The following SCUBE3 variants were observed in gnomAD, a reference collection of about 807,000 sequenced individuals.
The protein encoded by SCUBE3 is signal peptide, CUB and EGF-like domain-containing protein 3.
A neutral mutation model predicts 116.8 loss-of-function variants in SCUBE3; 33 were observed. That is an observed-to-expected ratio of 0.28 (90% confidence interval 0.21 to 0.38). The LOEUF (loss-of-function observed/expected upper bound fraction) is 0.38. SCUBE3 is among the 10% of genes least tolerant of loss of function. The pLI is 1.00. For missense variants in SCUBE3, 1,007 were observed against 1,324.8 expected, an observed-to-expected ratio of 0.76 and a Z score of 3.72; for synonymous variants, 418 against 496.9, an observed-to-expected ratio of 0.84 and a Z score of 2.11.
chr6:35,228,787 G>C lies in SCUBE3; in HGVS notation c.334+48G>C. On this transcript the variant is annotated intron_variant, in intron 3 of 21. Transcript: ENST00000274938. This position sits in a 1 kb window ranked among gnomAD's most constrained non-coding sequence, Gnocchi z 4.9. ...GGTGGAGGGATGTCTTGTGGAGAAA[G>C]AGATCTTTTCAGCATTTCCTATTTC... 1 of 1,594,588 alleles carries C rather than the reference G, an allele frequency of 6.3e-7. No individual in the cohort carries two copies. The highest frequency in any genetic ancestry group is 8.6e-7 in the Non-Finnish European group (1 of 1,162,680).
At position 35,232,916 on chromosome 6, in the gene SCUBE3, G is replaced by C; in HGVS notation, c.536G>C (p.Gly179Ala). 20 of 1,614,176 alleles carry C rather than the reference G, an allele frequency of 1.2e-5. No homozygotes were observed. Among genetic ancestry groups the C allele is most frequent in the Non-Finnish European group, 1.7e-5 (20 of 1,179,996 alleles). ...ATTTGCCGGGAGACACCCAAGGGGGGTATTGCCTGTGAATGCCGTCCTGGC... is the reference window on the plus strand; with the variant it reads ...ATTTGCCGGGAGACACCCAAGGGGGCTATTGCCTGTGAATGCCGTCCTGGC... ...AHICRETPKG[G>A]IACECRPGFE... Residue 179 changes from glycine (G) to alanine (A), a missense_variant, in exon 5 of 22, where the codon GGT becomes GCT. By Grantham distance (60) the Gly-to-Ala change is moderately conservative (BLOSUM62 0). Coordinates refer to ENST00000274938, the MANE Select transcript of SCUBE3 (RefSeq NM_152753.4). This position sits in a 1 kb window ranked among gnomAD's most constrained non-coding sequence, Gnocchi z 4.2.
intron 6 of SCUBE3, among the ~76,000 whole-genome samples, chr6:35,237,160 TTC>T (rs1196660946): frequency 1.3e-5 from 2 of 152,238 alleles, no homozygotes; most frequent in Non-Finnish European, 2.9e-5. Context: ...CTCTGGATTC[TTC>T]TCTTTCTTTT....
rs575840081 is a variant in SCUBE3, at chr6:35,219,031, G to C, written c.85+4528G>C. ...AGGCAGAAGGCGCCGGGCCTCCACA[G>C]GTTACTCACCCAAATCTCAGGCGCT... On this transcript the variant is annotated intron_variant, in intron 1 of 21. Coordinates refer to ENST00000274938, the MANE Select transcript of SCUBE3 (RefSeq NM_152753.4). This position sits in a 1 kb window ranked among gnomAD's most constrained non-coding sequence, Gnocchi z 4.7. Among the ~76,000 whole-genome samples the C allele has an allele frequency of 2.0e-5, 3 of 152,272 alleles. No individual in the cohort carries two copies. The South Asian group carries it at 6.2e-4, about 32-fold the overall frequency.
In SCUBE3 at chr6:35,243,944, G is replaced by A. The variant is rs769228561; in HGVS notation, c.2072-19G>A. The stretch of plus-strand genomic sequence containing the variant: ...CTCAGGACCATCCCCATCAGAGTTG[G>A]GCCCTTGATTCATTGCAGGTCAGTG... On this transcript the variant is annotated intron_variant, in intron 16 of 21. Coordinates refer to ENST00000274938, the MANE Select transcript of SCUBE3 (RefSeq NM_152753.4). This position sits in a 1 kb window ranked among gnomAD's most constrained non-coding sequence, Gnocchi z 6.6. 160 of 1,611,000 alleles carry A rather than the reference G, an allele frequency of 9.9e-5. No individual in the cohort carries two copies. Among genetic ancestry groups the A allele is most frequent in the Non-Finnish European group, 1.2e-4 (147 of 1,178,228 alleles).
chr6:35,248,798 CCTCT>C lies in SCUBE3; in HGVS notation c.*96_*99del. ...CCTACCCTCAGACAAGGAACTCTCT[CCTCT>C]CTTTTTGGAGGGAAAAAAAAAATAT... On this transcript the variant is annotated 3_prime_UTR_variant, in exon 22 of 22. Coordinates refer to ENST00000274938, the MANE Select transcript of SCUBE3 (RefSeq NM_152753.4). The C allele has an allele frequency of 1.0e-6, 1 of 986,404 alleles. No individual in the cohort carries two copies. 61.1% of individuals were successfully genotyped at this position (986,404 alleles called of 1,614,324 possible). A position where few individuals can be genotyped will look rare whatever the true frequency, so the allele number is the denominator to read the frequency against.
At position 35,238,003 on chromosome 6, in the gene SCUBE3, A is replaced by G; in HGVS notation, c.814A>G (p.Arg272Gly). 1 of 1,603,166 alleles carries G rather than the reference A, an allele frequency of 6.2e-7. No individual in the cohort carries two copies. Among genetic ancestry groups the G allele is most frequent in the South Asian group, 1.1e-5 (1 of 90,744 alleles). Residue 272 changes from arginine to glycine, a missense_variant, in exon 7 of 22, where the codon AGG becomes GGG. Physicochemically the swap from Arg to Gly is moderately radical, Grantham distance 125 (BLOSUM62 -2). Coordinates refer to ENST00000274938, the MANE Select transcript of SCUBE3 (RefSeq NM_152753.4). ...CPVGFMLQPD[R>G]KTCKDIDECR... ...TGTGGGCTTCATGCTGCAGCCAGACAGGAAGACGTGCAAAGGTAAGGACTT... is the reference window on the plus strand; with the variant it reads ...TGTGGGCTTCATGCTGCAGCCAGACGGGAAGACGTGCAAAGGTAAGGACTT...
At position 35,241,273 on chromosome 6, in the gene SCUBE3, A is replaced by G; in HGVS notation, c.1195+7A>G. On this transcript the variant is annotated splice_region_variant and intron_variant, in intron 10 of 21. Coordinates refer to ENST00000274938, the MANE Select transcript of SCUBE3 (RefSeq NM_152753.4). This position sits in a 1 kb window ranked among gnomAD's most constrained non-coding sequence, Gnocchi z 4.1. Reference sequence around the variant, plus strand: ...AATGGCAAAGATTGCACAGGTGGGCAGTGCCCTCTGCTGGCCAAAGATGAC... The same window carrying G: ...AATGGCAAAGATTGCACAGGTGGGCGGTGCCCTCTGCTGGCCAAAGATGAC... 1.3e-6 allele frequency: 2 copies of G among 1,587,588 alleles called. No homozygotes were observed. Among genetic ancestry groups the G allele is most frequent in the Non-Finnish European group, 1.7e-6 (2 of 1,161,042 alleles).
At position 35,214,765 on chromosome 6, in the gene SCUBE3, C is replaced by G. The variant is rs530625351; in HGVS notation, c.85+262C>G. 1.3e-5 allele frequency among the ~76,000 whole-genome samples: 2 copies of G among 152,220 alleles called. No individual in the cohort carries two copies. Among genetic ancestry groups the G allele is most frequent in the Admixed American group, 1.3e-4 (2 of 15,286 alleles). ...GAAGAGACCACGCGCCTCAGAATTC[C>G]GCTCGACTTCATCCACTCCCAGCAT... On this transcript the variant is annotated intron_variant, in intron 1 of 21. Coordinates refer to ENST00000274938, the MANE Select transcript of SCUBE3 (RefSeq NM_152753.4). This position sits in a 1 kb window ranked among gnomAD's most constrained non-coding sequence, Gnocchi z 6.3.
rs1784270227 is a variant in SCUBE3 at position 35,244,994 on chromosome 6, C to T, written c.2401+183C>T. Among the ~76,000 whole-genome samples the T allele has an allele frequency of 6.6e-6, 1 of 152,194 alleles. No individual in the cohort carries two copies. Among genetic ancestry groups the T allele is most frequent in the South Asian group, 2.1e-4 (1 of 4,834 alleles). ...CCAGTTGCTAGGCTGGACCCTGTAA[C>T]ACCCTCTCCCTGGAGACAGTTAATG... is the stretch of plus-strand genomic sequence containing the variant. On this transcript the variant is annotated intron_variant, in intron 18 of 21. Transcript: ENST00000274938. The surrounding 1 kb of genome is among the most constrained non-coding windows in gnomAD (Gnocchi z 4.3).
intron 1 of SCUBE3, among the ~76,000 whole-genome samples, chr6:35,224,822 G>A (rs1047929790): frequency 3.9e-5 from 6 of 152,008 alleles, no homozygotes; most frequent in African/African-American, 1.5e-4. Flanking sequence ...CCTCTGATAT[G>A]GTCAGGGGAG....
chr6:35,228,152 T>C lies in SCUBE3; in HGVS notation c.208+450T>C, dbSNP rs1783401596. Among the ~76,000 whole-genome samples, 1 of 152,232 alleles carries C rather than the reference T, an allele frequency of 6.6e-6. No individual in the cohort carries two copies. The highest frequency in any genetic ancestry group is 2.1e-4 in the South Asian group (1 of 4,834). On this transcript the variant is annotated intron_variant, in intron 2 of 21. Coordinates refer to ENST00000274938, the MANE Select transcript of SCUBE3 (RefSeq NM_152753.4). This position sits in a 1 kb window ranked among gnomAD's most constrained non-coding sequence, Gnocchi z 4.9. ...GAGATATTAAATTTATGAGCTTCAG[T>C]GTTGGTGAGACTTTAGTGGACAGGG...
chr6:35,252,721 G>A lies in SCUBE3; in HGVS notation c.*4016G>A, dbSNP rs995541137. 2.6e-5 allele frequency: 4 copies of A among 152,194 alleles called. No homozygotes were observed. The highest frequency in any genetic ancestry group is 9.7e-5 in the African/African-American group (4 of 41,440). The allele number at this position is 152,194 out of a possible 1,614,324, so 9.4% of individuals were successfully genotyped here. A position where few individuals can be genotyped will look rare whatever the true frequency, so the allele number is the denominator to read the frequency against. ...ATTTGTACAAGGAAATATATGATTA[G>A]AAGGAATAGAACCCCCAGTTGTCAT... On this transcript the variant is annotated 3_prime_UTR_variant, in exon 22 of 22. Transcript: ENST00000274938.
In SCUBE3 at chr6:35,241,204, G is replaced by A. The variant is rs759991415; in HGVS notation, c.1133G>A (p.Ser378Asn). The A allele has an allele frequency of 5.6e-6, 9 of 1,606,586 alleles. No homozygotes were observed. In the Admixed American group the frequency reaches 1.0e-4, roughly 18 times the overall value. Residue 378 changes from serine (S) to asparagine (N), a missense_variant, in exon 10 of 22, where the codon AGC becomes AAC. By Grantham distance (46) the Ser-to-Asn change is conservative. Around this residue, in one of 5 missense-constraint regions of SCUBE3, gnomAD observed 544 missense variants for 638.9 expected, o/e 0.85. Transcript: ENST00000274938. The surrounding 1 kb of genome is among the most constrained non-coding windows in gnomAD (Gnocchi z 4.1). ...TTTGGCTGCATCAACACTCCTGGCA[G>A]CTACCAGTGTACCTGCCCAGCAGGC... Reference protein sequence around the residue: ...CRFGCINTPGSYQCTCPAGQG... With the variant: ...CRFGCINTPGNYQCTCPAGQG...
Position 35,232,729 on chromosome 6 carries a change from G to A in SCUBE3, c.470-121G>A, listed in dbSNP as rs1783602708. On this transcript the variant is annotated intron_variant, in intron 4 of 21. Transcript: ENST00000274938. The surrounding 1 kb of genome is among the most constrained non-coding windows in gnomAD (Gnocchi z 4.2). ...TGGGACAAGGAGAGTCAGTCCCCTCGTGTTGAATTCAACCTCAGTAGAATT... is the reference window on the plus strand; with the variant it reads ...TGGGACAAGGAGAGTCAGTCCCCTCATGTTGAATTCAACCTCAGTAGAATT... The A allele has an allele frequency of 7.4e-6, 7 of 944,906 alleles. No individual in the cohort carries two copies. Among genetic ancestry groups the A allele is most frequent in the Middle Eastern group, 2.4e-4 (1 of 4,114 alleles). 58.5% of individuals were successfully genotyped at this position (944,906 alleles called of 1,614,324 possible).
chr6:35,232,997 G>A lies in SCUBE3; in HGVS notation c.595+22G>A, dbSNP rs763140992. ...AAATGTGAGATAATTGGGATGGCAG[G>A]TGGGGCAGTGGGGTCGGGGGTGAAA... On this transcript the variant is annotated intron_variant, in intron 5 of 21. Coordinates refer to ENST00000274938, the MANE Select transcript of SCUBE3 (RefSeq NM_152753.4). This position sits in a 1 kb window ranked among gnomAD's most constrained non-coding sequence, Gnocchi z 4.2. The A allele has an allele frequency of 5.6e-6, 9 of 1,613,162 alleles. 1 individual carries two copies. The South Asian group carries it at 9.9e-5, about 18-fold the overall frequency.
chr6:35,228,624 G>C lies in SCUBE3; in HGVS notation c.219G>C (p.Glu73Asp). The part of the protein sequence containing the change: ...GDGKHCKDVD[E>D]CEREDNAGCV... ...TCCCTTTGCCCACAGACGTGGATGA[G>C]TGCGAGCGAGAGGATAATGCAGGTT... Residue 73 changes from glutamate (E) to aspartate (D), a missense_variant, in exon 3 of 22, where the codon GAG (glutamate) becomes GAC (aspartate). Transcript: ENST00000274938. This position sits in a 1 kb window ranked among gnomAD's most constrained non-coding sequence, Gnocchi z 4.9. The C allele has an allele frequency of 6.2e-7, 1 of 1,614,116 alleles. No individual in the cohort carries two copies. The highest frequency in any genetic ancestry group is 8.5e-7 in the Non-Finnish European group (1 of 1,179,974).
intron 6 of SCUBE3, among the ~76,000 whole-genome samples, chr6:35,237,302 ACCT>A (rs1026098464): frequency 1.3e-5 from 2 of 152,100 alleles, no homozygotes; most frequent in African/African-American, 2.4e-5. Context: ...AGTATGTGCT[ACCT>A]CCTCTGAGGA....
At position 35,245,119 on chromosome 6, in the gene SCUBE3, C is replaced by T; in HGVS notation, c.2402-109C>T. 1.0e-6 allele frequency: 1 copy of T among 999,550 alleles called. No homozygotes were observed. The highest frequency in any genetic ancestry group is 1.5e-5 in the South Asian group (1 of 68,462). The allele number at this position is 999,550 out of a possible 1,614,324, so 61.9% of individuals were successfully genotyped here. ...AAATAATGATGAACTAGAACGCAGA[C>T]TTCCCATAAATGTCTGACCTCTACT... is the stretch of plus-strand genomic sequence containing the variant. On this transcript the variant is annotated intron_variant, in intron 18 of 21. Transcript: ENST00000274938. This position sits in a 1 kb window ranked among gnomAD's most constrained non-coding sequence, Gnocchi z 4.2.
Position 35,243,869 on chromosome 6 carries a change from C to G in SCUBE3, c.2072-94C>G, listed in dbSNP as rs1784206731. 3.7e-5 allele frequency: 57 copies of G among 1,532,402 alleles called. No homozygotes were observed. Among genetic ancestry groups the G allele is most frequent in the Non-Finnish European group, 4.6e-5 (52 of 1,119,670 alleles). 94.9% of individuals were successfully genotyped at this position (1,532,402 alleles called of 1,614,324 possible). A position where few individuals can be genotyped will look rare whatever the true frequency, so the allele number is the denominator to read the frequency against. On this transcript the variant is annotated intron_variant, in intron 16 of 21. Coordinates refer to ENST00000274938, the MANE Select transcript of SCUBE3 (RefSeq NM_152753.4). This position sits in a 1 kb window ranked among gnomAD's most constrained non-coding sequence, Gnocchi z 6.6. ...TCCAGGCCACTCTCTTAGTCAACAT[C>G]CTGTTTGTATACCTTTGTCCCCTGA...
Sources: gnomAD v4.1 joint callset for allele counts (sites outside exome capture counted in the v4.1 genomes callset) on GRCh38, gnomAD v4.1.1 for gene constraint, gnomAD v4.1.1 regional missense constraint, Gnocchi (gnomAD v3.1) non-coding constraint, MANE v1.5 for transcripts, NCBI Gene and HGNC (gene_info 2026-07-23, HGNC 2026-07-21) for gene names.